Variants in DPP10 observed in about 807,000 individuals in gnomAD.
DPP10 encodes inactive dipeptidyl peptidase 10.
In DPP10, 33 loss-of-function variants were observed where a neutral mutation model predicts 120.9. That is an observed-to-expected ratio of 0.27 (90% CI 0.21 to 0.37). The LOEUF (loss-of-function observed/expected upper bound fraction) is 0.37. Ranked by LOEUF, DPP10 falls within the 10% of genes least tolerant of loss-of-function variation. The pLI is 1.00. For synonymous variants in DPP10, 337 were observed against 326.1 expected, an observed-to-expected ratio of 1.03 and a Z score of -0.36; for missense variants, 816 against 942.8, an observed-to-expected ratio of 0.87 and a Z score of 1.76.
At chr2:114,980,570 C>A (rs570519321) in intron 1 of DPP10, among the ~76,000 whole-genome samples, 2 of 143,504 alleles carry the variant, frequency 1.4e-5, no homozygotes, top group Non-Finnish European at 1.5e-5. Context: ...ATATGATGTA[C>A]GAAAAAGAAA....
intron 1 of DPP10, among the ~76,000 whole-genome samples, chr2:115,235,431 C>T (rs1339538890): frequency 6.6e-6 from 1 of 152,186 alleles, no homozygotes; most frequent in African/African-American, 2.4e-5. Context: ...GGTACAGATG[C>T]ATTTACAACA....
At chr2:114,520,078 G>C (rs1170917422) in intron 1 of DPP10, among the ~76,000 whole-genome samples, 4 of 152,188 alleles carry the variant, frequency 2.6e-5, no homozygotes, top group African/African-American at 9.6e-5. Flanking sequence ...CTCATCAGTA[G>C]CTCATGAAAT....
intron 1 of DPP10, chr2:115,234,605 G>A (rs774808450): frequency 6.6e-5 from 10 of 152,164 alleles, no homozygotes; most frequent in African/African-American, 1.7e-4. Flanking sequence ...TTAATACGGC[G>A]TGCCACCTTC....
chr2:114,692,477 T>C (rs1699820623), intron 1 of DPP10, among the ~76,000 whole-genome samples: 1 of 152,052 alleles, frequency 6.6e-6, no homozygotes, highest in South Asian at 2.1e-4. Flanking sequence ...TTCTTTTGCA[T>C]TTGCTGAGGA....
intron 3 of DPP10, among the ~76,000 whole-genome samples, chr2:115,423,246 G>T (rs187677832): frequency 3.2e-4 from 49 of 152,018 alleles, no homozygotes; most frequent in Admixed American, 3.0e-3. Flanking sequence ...TTTAAAAGAG[G>T]TTTATAATCT....
At chr2:115,001,889 G>C (rs1185315455) in intron 1 of DPP10, among the ~76,000 whole-genome samples, 1 of 151,930 alleles carries the variant, frequency 6.6e-6, no homozygotes, top group African/African-American at 2.4e-5. Context: ...AGATGACACA[G>C]ACAAATGGAA....
intron 1 of DPP10, among the ~76,000 whole-genome samples, chr2:114,683,333 G>A (rs1699147642): frequency 6.6e-6 from 1 of 151,806 alleles, no homozygotes; most frequent in Non-Finnish European, 1.5e-5. Flanking sequence ...GGAATATAAG[G>A]ATGAATAAAA....
In DPP10 at chr2:115,058,657, T is replaced by A. The variant is rs1222372037; in HGVS notation, c.61-250582T>A. On this transcript the variant is annotated intron_variant, in intron 1 of 25. Coordinates refer to ENST00000410059, the MANE Select transcript of DPP10 (RefSeq NM_020868.6). ...TCAAAGTGATCCTCCCACCTCAACC[T>A]CCCAAAGTGCAGGGATTACAGACGT... Among the ~76,000 whole-genome samples the A allele has an allele frequency of 3.9e-5, 6 of 152,262 alleles. No homozygotes were observed. In the East Asian group the frequency reaches 1.2e-3, roughly 29 times the overall value.
intron 1 of DPP10, among the ~76,000 whole-genome samples, chr2:114,984,144 C>T (rs1261418135): frequency 6.6e-6 from 1 of 152,214 alleles, no homozygotes; most frequent in African/African-American, 2.4e-5. Flanking sequence ...TCATAGTCTA[C>T]ACCAACATAT....
rs1690409318 is a variant in DPP10 at position 115,844,039 on chromosome 2, T to G, written c.*1694T>G. The G allele has an allele frequency of 6.6e-6, 1 of 152,612 alleles. No individual in the cohort carries two copies. The highest frequency in any genetic ancestry group is 1.5e-5 in the Non-Finnish European group (1 of 68,018). The allele number at this position is 152,612 out of a possible 1,614,324, so 9.5% of individuals were successfully genotyped here. On this transcript the variant is annotated 3_prime_UTR_variant, in exon 26 of 26. Transcript: ENST00000410059. ...TTTTTCCCTGGATGCTTTGGAATCG[T>G]GTCTTCCATGCTCCACTGGGTTCAA...
chr2:114,474,808 G>A (rs1680240131), intron 1 of DPP10, among the ~76,000 whole-genome samples: 2 of 152,188 alleles, frequency 1.3e-5, no homozygotes, highest in Non-Finnish European at 2.9e-5. Context: ...TGTTCAAAAT[G>A]GGGAGCTGTA....
intron 3 of DPP10, among the ~76,000 whole-genome samples, chr2:115,474,779 G>A (rs577683643): frequency 3.3e-5 from 5 of 149,968 alleles, no homozygotes; most frequent in African/African-American, 1.2e-4. Flanking sequence ...GCAGGTGGCA[G>A]AAATTTGCAT....
chr2:114,668,864 C>G (rs1698127976), intron 1 of DPP10, among the ~76,000 whole-genome samples: 1 of 151,974 alleles, frequency 6.6e-6, no homozygotes, highest in South Asian at 2.1e-4. Flanking sequence ...ATTATTTTCT[C>G]TCTCTCCTGT....
At chr2:115,305,847 A>G (rs967297432) in intron 1 of DPP10, among the ~76,000 whole-genome samples, 1 of 151,998 alleles carries the variant, frequency 6.6e-6, no homozygotes, top group Admixed American at 6.6e-5. Context: ...ATCTTTATAC[A>G]TGGTTTTAAG....
intron 1 of DPP10, among the ~76,000 whole-genome samples, chr2:114,703,056 G>A (rs1217623668): frequency 6.6e-6 from 1 of 152,082 alleles, no homozygotes. Context: ...TTCTCCTGGA[G>A]GTTGTAGTGT....
chr2:115,239,561 G>A lies in DPP10; in HGVS notation c.61-69678G>A, dbSNP rs116473429. Among the ~76,000 whole-genome samples, 215 of 152,224 alleles carry A rather than the reference G, an allele frequency of 1.4e-3. 1 individual carries two copies. The highest frequency in any genetic ancestry group is 5.0e-3 in the African/African-American group (209 of 41,534). On this transcript the variant is annotated intron_variant, in intron 1 of 25. Coordinates refer to ENST00000410059, the MANE Select transcript of DPP10 (RefSeq NM_020868.6). ...TAGGATATGTCCACTTTTTTTAGAT[G>A]TAATGCTGTTGCACACTAGTAGACC...
intron 1 of DPP10, among the ~76,000 whole-genome samples, chr2:114,999,183 C>A (rs1455834920): frequency 1.3e-5 from 2 of 152,050 alleles, no homozygotes; most frequent in African/African-American, 4.8e-5. Flanking sequence ...ATAAAAGGAG[C>A]AAAGTAAATA....
chr2:115,558,256 T>A (rs533949102), intron 5 of DPP10, among the ~76,000 whole-genome samples: 1 of 152,126 alleles, frequency 6.6e-6, no homozygotes, highest in African/African-American at 2.4e-5. Flanking sequence ...TTGAAGGAGA[T>A]CTAAGTAATG....
intron 21 of DPP10, among the ~76,000 whole-genome samples, chr2:115,819,638 A>AT (rs35770652): frequency 5.9e-5 from 9 of 151,724 alleles, no homozygotes; most frequent in Non-Finnish European, 8.8e-5. Flanking sequence ...TTTTATATAC[A>AT]TTTTTTCATC....
Sources: gnomAD v4.1 joint callset for allele counts (sites outside exome capture counted in the v4.1 genomes callset) on GRCh38, gnomAD v4.1.1 for gene constraint, MANE v1.5 for transcripts, NCBI Gene and HGNC (gene_info 2026-07-23, HGNC 2026-07-21) for gene names.